The following PCDH9 variants were observed in gnomAD, a reference collection of about 807,000 sequenced individuals.
PCDH9 encodes the protein protocadherin-9.
In PCDH9, 24 loss-of-function variants were observed where a neutral mutation model predicts 70.6. The ratio of observed to expected loss-of-function variants is 0.34; its 90% CI spans 0.25 to 0.48. The LOEUF (loss-of-function observed/expected upper bound fraction) is 0.48, where lower values mean the gene tolerates loss of function less well. Ranked by LOEUF, PCDH9 falls within the 20% of genes least tolerant of loss-of-function variation. The pLI, the probability that PCDH9 is intolerant of heterozygous loss-of-function variation, is 0.99. For missense variants in PCDH9, 1,281 were observed against 1,503.6 expected (o/e 0.85, Z 2.45); for synonymous variants, 562 against 558.5 (o/e 1.01, Z -0.09).
intron 3 of PCDH9, among the ~76,000 whole-genome samples, chr13:66,869,774 C>T (rs974220840): frequency 6.6e-6 from 1 of 152,146 alleles, no homozygotes; most frequent in African/African-American, 2.4e-5. Context: ...AGCACACAAA[C>T]ATATACACAC....
At chr13:66,512,338 C>T (rs115844633) in intron 4 of PCDH9, among the ~76,000 whole-genome samples, 2,212 of 149,628 alleles carry the variant, frequency 0.015, 44 homozygotes, top group African/African-American at 0.052. Context: ...GAGCTATTAA[C>T]TATTGATAAA....
At chr13:66,315,844 CT>C (rs770876770) in intron 4 of PCDH9, among the ~76,000 whole-genome samples, 10 of 152,186 alleles carry the variant, frequency 6.6e-5, no homozygotes, top group Non-Finnish European at 1.0e-4. Context: ...ATTCACTAAT[CT>C]CTAGCATATT....
chr13:67,003,589 G>C (rs576658311), intron 2 of PCDH9, among the ~76,000 whole-genome samples: 1 of 152,028 alleles, frequency 6.6e-6, no homozygotes, highest in South Asian at 2.1e-4. Context: ...TTAGCATTTC[G>C]GGACTTTGAA....
At chr13:66,924,405 C>T (rs1382328360) in intron 2 of PCDH9, among the ~76,000 whole-genome samples, 1 of 151,772 alleles carries the variant, frequency 6.6e-6, no homozygotes, top group Non-Finnish European at 1.5e-5. Context: ...ATCTGCTTTA[C>T]ATAAAAATAT....
intron 3 of PCDH9, among the ~76,000 whole-genome samples, chr13:66,636,663 C>T (rs2077641935): frequency 6.6e-6 from 1 of 151,886 alleles, no homozygotes; most frequent in African/African-American, 2.4e-5. Flanking sequence ...AAACATTGTA[C>T]CTAATTTTGA....
At chr13:66,985,721 ATCT>A (rs1018602261) in intron 2 of PCDH9, 36 of 152,070 alleles carry the variant, frequency 2.4e-4, no homozygotes, top group Non-Finnish European at 5.0e-4. Context: ...ACGATAACTA[ATCT>A]TCTCTCAACT....
intron 2 of PCDH9, among the ~76,000 whole-genome samples, chr13:67,095,734 C>A (rs1244879119): frequency 6.6e-6 from 1 of 152,046 alleles, no homozygotes; most frequent in Non-Finnish European, 1.5e-5. Flanking sequence ...AGTCTGTCAC[C>A]AAGGAAATGA....
chr13:67,138,741 T>C (rs560880596), intron 2 of PCDH9, among the ~76,000 whole-genome samples: 1 of 152,318 alleles, frequency 6.6e-6, no homozygotes, highest in East Asian at 1.9e-4. Context: ...TTTGTGCATT[T>C]TGTCCAATTC....
At chr13:66,319,502 G>A (rs1955714231) in intron 4 of PCDH9, among the ~76,000 whole-genome samples, 1 of 151,612 alleles carries the variant, frequency 6.6e-6, no homozygotes, top group Non-Finnish European at 1.5e-5. Flanking sequence ...TCAGTGTGCT[G>A]GCATAAAAGA....
At chr13:66,707,989 T>G (rs986512544) in intron 3 of PCDH9, among the ~76,000 whole-genome samples, 4 of 152,228 alleles carry the variant, frequency 2.6e-5, no homozygotes, top group African/African-American at 9.6e-5. Context: ...AATTCCGTTT[T>G]CTTATTTTGA....
At chr13:66,476,028 C>G (rs577957917) in intron 4 of PCDH9, among the ~76,000 whole-genome samples, 2 of 152,148 alleles carry the variant, frequency 1.3e-5, no homozygotes, top group African/African-American at 4.8e-5. Flanking sequence ...ACTCTTTCAG[C>G]CTTCAGCCCT....
chr13:66,579,185 C>A (rs1034470274), intron 4 of PCDH9, among the ~76,000 whole-genome samples: 1 of 152,056 alleles, frequency 6.6e-6, no homozygotes. Flanking sequence ...ATAAGAAATT[C>A]TTTCTCCTAA....
At chr13:66,785,661 TTTTGGCTATACTTCC>T (rs1202079688) in intron 3 of PCDH9, among the ~76,000 whole-genome samples, 5 of 152,104 alleles carry the variant, frequency 3.3e-5, no homozygotes, top group African/African-American at 1.2e-4. Context: ...TATATCTATC[TTTTGGCTATACTTCC>T]TTTGATTTGT....
At chr13:66,657,526 T>C (rs1406382581) in intron 3 of PCDH9, among the ~76,000 whole-genome samples, 1 of 152,202 alleles carries the variant, frequency 6.6e-6, no homozygotes, top group Admixed American at 6.5e-5. Flanking sequence ...CATCTATGCT[T>C]TTACTGACTC....
intron 2 of PCDH9, among the ~76,000 whole-genome samples, chr13:67,185,087 T>C (rs1469678239): frequency 2.0e-5 from 3 of 152,178 alleles, no homozygotes; most frequent in Admixed American, 2.0e-4. Flanking sequence ...GCACTAATAT[T>C]TGATCTACTA....
At chr13:66,665,157 A>ACCT (rs2078078234) in intron 3 of PCDH9, among the ~76,000 whole-genome samples, 1 of 143,272 alleles carries the variant, frequency 7.0e-6, no homozygotes, top group Admixed American at 7.2e-5. Flanking sequence ...CCCAGGCTGG[A>ACCT]GGGCAACAGT....
chr13:66,856,808 T>C (rs1020307856), intron 3 of PCDH9, among the ~76,000 whole-genome samples: 8 of 152,206 alleles, frequency 5.3e-5, no homozygotes, highest in Middle Eastern at 3.4e-3. Flanking sequence ...CTTAATCTCA[T>C]CTATACTTAT....
intron 4 of PCDH9, among the ~76,000 whole-genome samples, chr13:66,535,595 T>C (rs189036686): frequency 6.8e-4 from 103 of 152,188 alleles, no homozygotes; most frequent in African/African-American, 2.4e-3. Flanking sequence ...AATTGCCACT[T>C]TCCAGAATTT....
chr13:66,365,779 A>G (rs1956544823), intron 4 of PCDH9, among the ~76,000 whole-genome samples: 1 of 152,142 alleles, frequency 6.6e-6, no homozygotes, highest in South Asian at 2.1e-4. Flanking sequence ...TGTCTAATAC[A>G]TTGCTTGATA....
Sources: allele counts gnomAD v4.1 joint callset (sites outside exome capture counted in the v4.1 genomes callset), GRCh38; gene constraint gnomAD v4.1.1; transcripts MANE v1.5; gene names NCBI Gene and HGNC (gene_info 2026-07-23, HGNC 2026-07-21).